Variants in DHX29 observed in about 807,000 individuals in gnomAD.
The protein encoded by DHX29 is DExH-box helicase 29, also known as ATP-dependent RNA helicase DHX29.
DHX29 carries 79 observed loss-of-function variants against 167.9 expected under a neutral mutation model. That is an observed-to-expected ratio of 0.47 (90% confidence interval 0.39 to 0.57). The LOEUF is 0.57. Ranked by LOEUF, DHX29 falls within the 20% of genes least tolerant of loss-of-function variation. DHX29 has a pLI of 0.00. For missense variants in DHX29, 1,347 were observed against 1,593.4 expected, an observed-to-expected ratio of 0.85 and a Z score of 2.63; for synonymous variants, 530 against 546.0, an observed-to-expected ratio of 0.97 and a Z score of 0.41.
At position 55,276,287 on chromosome 5, in the gene DHX29, T is replaced by C; in HGVS notation, c.2406A>G (p.Ala802=). Residue 802 remains alanine, a synonymous_variant, in exon 14 of 27, where the codon GCA becomes GCG. Coordinates refer to ENST00000251636, the MANE Select transcript of DHX29 (RefSeq NM_019030.4). The part of the protein sequence containing the change: ...EEVTINVTSK[A]GGIKKYQEYI... ...TTACCTGATATTTTTTTATTCCCCC[T>C]GCTTTGCTTGTAACATTAATGGTTA... The C allele has an allele frequency of 6.3e-7, 1 of 1,585,744 alleles. No individual in the cohort carries two copies. The highest frequency in any genetic ancestry group is 8.5e-7 in the Non-Finnish European group (1 of 1,172,336).
rs1200508645 is a variant in DHX29, at chr5:55,285,303, A to G, written c.1346T>C (p.Val449Ala). The change falls in exon 10 of 27, where the codon GTT (valine) becomes GCT (alanine). Residue 449 changes from valine (V) to alanine (A), a missense_variant. Transcript: ENST00000251636. ...CCTAAAAAGTCTTACCTGCCCTTTA[A>G]CTAAACGGTAAAGGGCTAAAGTAGC... The part of the protein sequence containing the change: ...LGATLALYRL[V>A]KGQSVHQLLP... The G allele has an allele frequency of 6.2e-7, 1 of 1,614,012 alleles. No homozygotes were observed. Among genetic ancestry groups the G allele is most frequent in the Non-Finnish European group, 8.5e-7 (1 of 1,179,974 alleles).
chr5:55,262,511 C>CA, intron 24 of DHX29, 119 bp downstream of exon 24: 3 of 1,313,380 alleles, frequency 2.3e-6, no homozygotes, highest in Middle Eastern at 2.3e-4. Context: ...CAAATATTAA[C>CA]AAAAATGAAT....
rs1561145514 is a variant in DHX29 at position 55,274,643 on chromosome 5, TAGA to T, written c.2658_2660del (p.Leu887del). ...CAGAATAAAATCTTCTATCATTTGA[TAGA>T]AGATCATACAACTGCTGAATATGAG... On this transcript the variant is annotated inframe_deletion, in exon 16 of 27. Coordinates refer to ENST00000251636, the MANE Select transcript of DHX29 (RefSeq NM_019030.4). 1 of 1,601,720 alleles carries T rather than the reference TAGA, an allele frequency of 6.2e-7. No individual in the cohort carries two copies. The highest frequency in any genetic ancestry group is 2.2e-5 in the East Asian group (1 of 44,642).
chr5:55,270,467 T>A lies in DHX29; in HGVS notation c.3014A>T (p.Tyr1005Phe). 1 of 1,613,302 alleles carries A rather than the reference T, an allele frequency of 6.2e-7. No individual in the cohort carries two copies. The highest frequency in any genetic ancestry group is 8.5e-7 in the Non-Finnish European group (1 of 1,179,774). ...TACACGTAAGATTTCAGGAACAGAA[T>A]AATCCATAAAGCCTTCAAATCTGAA... Reference protein sequence around the residue: ...TRERFEGFMDYSVPEILRVPL... With the variant: ...TRERFEGFMDFSVPEILRVPL... The change falls in exon 20 of 27, where the codon TAT becomes TTT. Residue 1005 changes from tyrosine to phenylalanine, a missense_variant. Coordinates refer to ENST00000251636, the MANE Select transcript of DHX29 (RefSeq NM_019030.4).
chr5:55,300,581 G>C (rs752702128), intron 1 of DHX29, among the ~76,000 whole-genome samples: 1 of 152,106 alleles, frequency 6.6e-6, no homozygotes, highest in Non-Finnish European at 1.5e-5. Flanking sequence ...GCTGAGGCAG[G>C]AGAACTGCTT....
rs557099605 is a variant in DHX29 at position 55,288,170 on chromosome 5, G to A, written c.1066+1100C>T. ...AGGCAGGAGGATCACTTGAACCCGG[G>A]AGATGGAGGTTGCAGTGAGCTGAGA... On this transcript the variant is annotated intron_variant, in intron 8 of 26. Transcript: ENST00000251636. 5.3e-5 allele frequency among the ~76,000 whole-genome samples: 8 copies of A among 152,100 alleles called. No individual in the cohort carries two copies. The South Asian group carries it at 1.4e-3, about 28-fold the overall frequency.
chr5:55,267,220 G>A lies in DHX29; in HGVS notation c.3443C>T (p.Ala1148Val). 6.2e-7 allele frequency: 1 copy of A among 1,611,380 alleles called. No homozygotes were observed. The highest frequency in any genetic ancestry group is 8.5e-7 in the Non-Finnish European group (1 of 1,178,226). Residue 1148 changes from alanine to valine, a missense_variant, in exon 23 of 27, where the codon GCA (alanine) becomes GTA (valine). Around this residue, in one of 3 missense-constraint regions of DHX29, gnomAD observed 882 missense variants for 1,082.4 expected, o/e 0.81. Transcript: ENST00000251636. ...AGAACGATAACCTCCTTCTTGTCGT[G>A]CTTTCTTCCATCTAGATAAATAAAA... ...IYNAYLGWKK[A>V]RQEGGYRSEI...
chr5:55,277,298 G>A lies in DHX29; in HGVS notation c.2110-16C>T, dbSNP rs114184511. 266 of 1,549,118 alleles carry A rather than the reference G, an allele frequency of 1.7e-4. No individual in the cohort carries two copies. The African/African-American group carries it at 3.3e-3, about 19-fold the overall frequency. ...TTTCATGAACCTAGTTTTAAAAAGG[G>A]AATAAAAAAGTTCATCATATATTGT... On this transcript the variant is annotated splice_polypyrimidine_tract_variant and intron_variant, in intron 12 of 26. Transcript: ENST00000251636.
At chr5:55,287,576 CAG>C (rs545795851) in intron 8 of DHX29, among the ~76,000 whole-genome samples, 158 of 152,226 alleles carry the variant, frequency 1.0e-3, no homozygotes, top group Non-Finnish European at 1.9e-3. Context: ...ATAATTAACT[CAG>C]AATTTTTTTT....
At chr5:55,290,104 G>T in intron 7 of DHX29, 114 bp downstream of exon 7, 1 of 1,265,694 alleles carries the variant, frequency 7.9e-7, no homozygotes, top group Non-Finnish European at 1.1e-6. Context: ...CTAATCCCAT[G>T]TATAAACTGT....
chr5:55,256,526 G>T lies in DHX29; in HGVS notation c.4072C>A (p.Gln1358Lys). Residue 1358 changes from glutamine to lysine, a missense_variant, in exon 27 of 27, where the codon CAG becomes AAG. By Grantham distance (53) the Gln-to-Lys change is moderately conservative (BLOSUM62 1). Around this residue, in one of 3 missense-constraint regions of DHX29, gnomAD observed 882 missense variants for 1,082.4 expected, o/e 0.81. Transcript: ENST00000251636. ...KMSLENDKIL[Q>K]IITELIKTEN... ...GTTTTTATCAATTCCGTAATGATCT[G>T]CAGAATCTTGTCATCTGAGTGGAAG... The T allele has an allele frequency of 6.3e-7, 1 of 1,590,846 alleles. No homozygotes were observed.
chr5:55,301,749 C>T (rs970446908), intron 1 of DHX29, among the ~76,000 whole-genome samples: 3 of 148,186 alleles, frequency 2.0e-5, no homozygotes, highest in African/African-American at 7.5e-5. Context: ...AGAATGATTC[C>T]AGAATCATAA....
At chr5:55,259,798 A>G in intron 26 of DHX29, 50 bp downstream of exon 26, 2 of 1,063,062 alleles carry the variant, frequency 1.9e-6, no homozygotes, top group Non-Finnish European at 2.9e-6. Context: ...AGGTATGTGT[A>G]CACATACACA....
At chr5:55,300,777 A>G (rs1489772810) in intron 1 of DHX29, among the ~76,000 whole-genome samples, 1 of 152,230 alleles carries the variant, frequency 6.6e-6, no homozygotes, top group Non-Finnish European at 1.5e-5. Flanking sequence ...ACAAAAAATA[A>G]TATCCGTTTT....
chr5:55,283,781 G>A lies in DHX29; in HGVS notation c.1387C>T (p.Arg463Ter), dbSNP rs1379649782. 4.4e-6 allele frequency: 7 copies of A among 1,605,032 alleles called. No homozygotes were observed. Among genetic ancestry groups the A allele is most frequent in the Admixed American group, 1.7e-5 (1 of 58,338 alleles). Residue 463 changes from arginine (R) to a stop codon, truncating the protein, a stop_gained, in exon 11 of 27, where the codon CGA becomes TGA. Coordinates refer to ENST00000251636, the MANE Select transcript of DHX29 (RefSeq NM_019030.4). LOFTEE classifies it high-confidence loss of function. ...TCACTCCACTCCAGCCAAACATCTC[G>A]GTAAGTGGGAGGAAGTAACTGATGA... Reference protein sequence around the residue: ...SVHQLLPPTYRDVWLEWSDAE... With the variant: ...SVHQLLPPTY
intron 6 of DHX29, among the ~76,000 whole-genome samples, chr5:55,291,371 A>G (rs1464581722): frequency 6.6e-6 from 1 of 152,204 alleles, no homozygotes; most frequent in Admixed American, 6.5e-5. Context: ...TTTTGTGTAA[A>G]GACAAATATC....
chr5:55,263,827 T>C (rs1164696091), intron 23 of DHX29, among the ~76,000 whole-genome samples: 1 of 149,408 alleles, frequency 6.7e-6, no homozygotes, highest in African/African-American at 2.4e-5. Context: ...TTCATGTGCT[T>C]CGAGAAGGAC....
intron 12 of DHX29, 136 bp downstream of exon 12, chr5:55,281,236 G>A: frequency 6.1e-6 from 4 of 653,356 alleles, no homozygotes; most frequent in Non-Finnish European, 8.7e-6. Flanking sequence ...AGATACATTT[G>A]TTACAAGAAA....
intron 23 of DHX29, among the ~76,000 whole-genome samples, chr5:55,266,002 T>C (rs949596662): frequency 6.6e-6 from 1 of 151,966 alleles, no homozygotes; most frequent in Non-Finnish European, 1.5e-5. Flanking sequence ...TTTTTTTTTT[T>C]CCTTTTCTTT....
Sources: allele counts gnomAD v4.1 joint callset (sites outside exome capture counted in the v4.1 genomes callset), GRCh38; gene constraint gnomAD v4.1.1; regional missense constraint gnomAD v4.1.1; transcripts MANE v1.5; gene names NCBI Gene and HGNC (gene_info 2026-07-23, HGNC 2026-07-21).